Variants in PLXNA4 observed in about 807,000 individuals in gnomAD.
The protein encoded by PLXNA4 is plexin-A4.
A neutral mutation model predicts 191.8 loss-of-function variants in PLXNA4; 44 were observed. The observed-to-expected ratio is 0.23, with a 90% confidence interval of 0.18 to 0.29. The LOEUF is 0.29. Among genes scored for constraint, PLXNA4 ranks in the 10% least tolerant of loss-of-function variants. The probability of loss-of-function intolerance (pLI) is 1.00; values close to 1 mark genes in which losing one functional copy is unlikely to be tolerated. For synonymous variants in PLXNA4, 1,082 were observed against 1,009.5 expected (o/e 1.07, Z -1.36); for missense variants, 1,800 against 2,488.8 (o/e 0.72, Z 5.89).
intron 3 of PLXNA4, among the ~76,000 whole-genome samples, chr7:132,369,843 C>A (rs994287132): frequency 1.8e-4 from 27 of 151,232 alleles, no homozygotes; most frequent in African/African-American, 6.3e-4. Context: ...CTGAGGCGGG[C>A]GGATCACAAG....
chr7:132,615,352 G>T (rs777821143), intron 2 of PLXNA4, among the ~76,000 whole-genome samples: 1 of 152,166 alleles, frequency 6.6e-6, no homozygotes. Context: ...CCCCACTCGC[G>T]TCCTGTCTGC....
At chr7:132,205,186 G>A (rs1797574237) in intron 10 of PLXNA4, among the ~76,000 whole-genome samples, 1 of 152,144 alleles carries the variant, frequency 6.6e-6, no homozygotes, top group Non-Finnish European at 1.5e-5. Flanking sequence ...TCTGCAGCTG[G>A]GTCAGGCTGG....
At chr7:132,592,390 C>G (rs551865222) in intron 2 of PLXNA4, among the ~76,000 whole-genome samples, 4 of 152,266 alleles carry the variant, frequency 2.6e-5, no homozygotes, top group African/African-American at 9.6e-5. Flanking sequence ...TCCTGACACC[C>G]GATCAAAATC....
At chr7:132,453,337 T>C (rs748000188) in intron 3 of PLXNA4, among the ~76,000 whole-genome samples, 13 of 152,068 alleles carry the variant, frequency 8.5e-5, no homozygotes, top group Non-Finnish European at 1.6e-4. Flanking sequence ...GTTCTCCAAT[T>C]ATGACCCTAG....
intron 29 of PLXNA4, among the ~76,000 whole-genome samples, chr7:132,141,528 T>G (rs1795268847): frequency 6.6e-6 from 1 of 152,032 alleles, no homozygotes; most frequent in Non-Finnish European, 1.5e-5. Context: ...AAGCCTGCAT[T>G]CTGGTGGGTT....
chr7:132,347,652 G>A (rs1240979846), intron 3 of PLXNA4, among the ~76,000 whole-genome samples: 1 of 152,164 alleles, frequency 6.6e-6, no homozygotes, highest in African/African-American at 2.4e-5. Flanking sequence ...AGGTCACAGA[G>A]GGGGACAAGC....
intron 30 of PLXNA4, among the ~76,000 whole-genome samples, chr7:132,137,757 C>T (rs1437065392): frequency 2.1e-5 from 3 of 145,272 alleles, no homozygotes; most frequent in Non-Finnish European, 3.0e-5. Context: ...GAGGAGAGAT[C>T]GGAGAAGAGA....
chr7:132,202,773 T>C lies in PLXNA4; in HGVS notation c.2459A>G (p.Asp820Gly). The change falls in exon 12 of 32, where the codon GAC becomes GGC. Residue 820 changes from aspartate (D) to glycine (G), a missense_variant. By Grantham distance (94) the Asp-to-Gly change is moderately conservative. Around this residue, in one of 6 missense-constraint regions of PLXNA4, gnomAD observed 1,397 missense variants for 1,880.4 expected, o/e 0.74. Transcript: ENST00000321063. Reference sequence around the variant, plus strand: ...GCCCTGGCACCAGCCACATGCGAAGTCTGGGTCAGCCTTGAGGCACAGCCC... The same window carrying C: ...GCCCTGGCACCAGCCACATGCGAAGCCTGGGTCAGCCTTGAGGCACAGCCC... ...SCGLCLKADPDFACGWCQGPG... is the reference protein window; with the variant it reads ...SCGLCLKADPGFACGWCQGPG... 6.2e-7 allele frequency: 1 copy of C among 1,612,020 alleles called. No individual in the cohort carries two copies. The highest frequency in any genetic ancestry group is 8.5e-7 in the Non-Finnish European group (1 of 1,179,074).
At chr7:132,485,117 C>A in intron 3 of PLXNA4, 4 of 1,466,484 alleles carry the variant, frequency 2.7e-6, no homozygotes, top group South Asian at 2.7e-5. Flanking sequence ...GGTTTTTGTA[C>A]TATATACTCC....
At position 132,326,351 on chromosome 7, in the gene PLXNA4, G is replaced by A. The variant is rs77074767; in HGVS notation, c.1372-28129C>T. On this transcript the variant is annotated intron_variant, in intron 3 of 31. Coordinates refer to ENST00000321063, the MANE Select transcript of PLXNA4 (RefSeq NM_020911.2). ...CTTTACAACAAACCTCTTTATGTAT[G>A]TAAATAAATGAACACACACATACAC... Among the ~76,000 whole-genome samples the A allele has an allele frequency of 6.2e-4, 95 of 152,304 alleles. 1 individual carries two copies. The East Asian group carries it at 0.017, about 27-fold the overall frequency.
chr7:132,537,762 T>A (rs1488857584), intron 1 of PLXNA4, among the ~76,000 whole-genome samples: 1 of 152,152 alleles, frequency 6.6e-6, no homozygotes, highest in Non-Finnish European at 1.5e-5. Flanking sequence ...CAGCAAAGCC[T>A]CTGGTAAGAA....
intron 4 of PLXNA4, among the ~76,000 whole-genome samples, chr7:132,256,495 A>G (rs1213836324): frequency 6.6e-6 from 1 of 152,128 alleles, no homozygotes; most frequent in Non-Finnish European, 1.5e-5. Flanking sequence ...GCCACCCCTC[A>G]GGGATGCTCA....
At chr7:132,514,357 AC>A (rs1272249118) in intron 1 of PLXNA4, among the ~76,000 whole-genome samples, 5 of 152,056 alleles carry the variant, frequency 3.3e-5, no homozygotes, top group Admixed American at 3.3e-4. Flanking sequence ...GGCCGGTGAG[AC>A]TTTTGTTTTA....
chr7:132,331,889 C>T (rs913122552), intron 3 of PLXNA4, among the ~76,000 whole-genome samples: 1 of 152,118 alleles, frequency 6.6e-6, no homozygotes, highest in Non-Finnish European at 1.5e-5. Context: ...GACATTAATG[C>T]ATCTGTGAGA....
At chr7:132,198,976 T>C (rs1797347062) in intron 12 of PLXNA4, among the ~76,000 whole-genome samples, 2 of 152,218 alleles carry the variant, frequency 1.3e-5, no homozygotes. Flanking sequence ...GTGTTGGTTC[T>C]ACTCTCAAGG....
At chr7:132,612,724 C>A (rs1041433908) in intron 2 of PLXNA4, among the ~76,000 whole-genome samples, 1 of 148,914 alleles carries the variant, frequency 6.7e-6, no homozygotes, top group Non-Finnish European at 1.5e-5. Flanking sequence ...GCACTACTGA[C>A]ATTTTGTGCA....
chr7:132,264,234 T>C (rs1475886607), intron 4 of PLXNA4: 2 of 152,254 alleles, frequency 1.3e-5, no homozygotes, highest in Non-Finnish European at 2.9e-5. Flanking sequence ...GTAATTGCTA[T>C]GAAGGAATCC....
chr7:132,617,796 T>C (rs1803185314), intron 2 of PLXNA4, among the ~76,000 whole-genome samples: 1 of 152,186 alleles, frequency 6.6e-6, no homozygotes, highest in African/African-American at 2.4e-5. Flanking sequence ...ACCTAAAATG[T>C]TTCTCCAGCT....
At chr7:132,146,336 GAGA>G (rs1307666141) in intron 28 of PLXNA4, among the ~76,000 whole-genome samples, 171 bp downstream of exon 28, 1 of 152,146 alleles carries the variant, frequency 6.6e-6, no homozygotes, top group Non-Finnish European at 1.5e-5. Context: ...GTTCTGGATT[GAGA>G]AGGATTCTGA....
Sources: allele counts gnomAD v4.1 joint callset (sites outside exome capture counted in the v4.1 genomes callset), GRCh38; gene constraint gnomAD v4.1.1; regional missense constraint gnomAD v4.1.1; transcripts MANE v1.5; gene names NCBI Gene and HGNC (gene_info 2026-07-23, HGNC 2026-07-21).